Variants in NRAP observed in about 807,000 individuals in gnomAD.
NRAP encodes the protein nebulin related anchoring protein.
A neutral mutation model predicts 225.9 loss-of-function variants in NRAP; 189 were observed. The observed-to-expected ratio is 0.84, with a 90% CI of 0.74 to 0.94. The LOEUF (loss-of-function observed/expected upper bound fraction) is 0.94. NRAP is among the 40% of genes least tolerant of loss of function. The pLI is 0.00. For missense variants in NRAP, 2,176 were observed against 2,168.7 expected (o/e 1.00, Z -0.07); for synonymous variants, 769 against 790.7 (o/e 0.97, Z 0.46).
At position 113,629,038 on chromosome 10, in the gene NRAP, A is replaced by G. The variant is rs1395491930; in HGVS notation, c.2041-17T>C. The G allele has an allele frequency of 6.4e-7, 1 of 1,572,916 alleles. No individual in the cohort carries two copies. Among genetic ancestry groups the G allele is most frequent in the Non-Finnish European group, 8.8e-7 (1 of 1,142,436 alleles). On this transcript the variant is annotated splice_polypyrimidine_tract_variant and intron_variant, in intron 19 of 41. Transcript: ENST00000359988. ...GTACTGCAGCTACAAAAGAAAAACC[A>G]CAAAGCTCTCATTGGGCGCATGGAT...
chr10:113,602,656 T>C (rs549957740), intron 35 of NRAP, among the ~76,000 whole-genome samples: 1 of 152,370 alleles, frequency 6.6e-6, no homozygotes, highest in East Asian at 1.9e-4. Flanking sequence ...TAATTGATTA[T>C]GTGTTTAGAA....
intron 39 of NRAP, among the ~76,000 whole-genome samples, chr10:113,591,705 A>G (rs1015518901): frequency 2.0e-5 from 3 of 152,198 alleles, no homozygotes; most frequent in African/African-American, 7.2e-5. Context: ...TTCCTACATT[A>G]ATCTGGGAGA....
chr10:113,650,574 GCCCCA>G, intron 7 of NRAP, 29 bp from the exon 8 acceptor site: 4 of 1,414,224 alleles, frequency 2.8e-6, no homozygotes, highest in Non-Finnish European at 4.0e-6. Context: ...TGAATCACAT[GCCCCA>G]TGTTTATCAG....
chr10:113,640,209 T>C lies in NRAP; in HGVS notation c.1428+18A>G, dbSNP rs777068118. The C allele has an allele frequency of 2.5e-5, 36 of 1,425,794 alleles. No homozygotes were observed. The highest frequency in any genetic ancestry group is 3.2e-5 in the Non-Finnish European group (33 of 1,022,478). The allele number at this position is 1,425,794 out of a possible 1,614,324, so 88.3% of individuals were successfully genotyped here. A position where few individuals can be genotyped will look rare whatever the true frequency, so the allele number is the denominator to read the frequency against. On this transcript the variant is annotated intron_variant, in intron 14 of 41. Coordinates refer to ENST00000359988, the MANE Select transcript of NRAP (RefSeq NM_198060.4). ...CGACAAGTGACAAAGCAGAAAGAGC[T>C]GTTGGAAAAGAACTTACATCTTTCA... is the stretch of plus-strand genomic sequence containing the variant.
intron 3 of NRAP, among the ~76,000 whole-genome samples, chr10:113,661,717 C>T (rs183234882): frequency 1.3e-5 from 2 of 152,212 alleles, no homozygotes; most frequent in African/African-American, 4.8e-5. Context: ...GCAATGTGGC[C>T]TCCATATTTA....
intron 24 of NRAP, 55 bp downstream of exon 24, chr10:113,621,814 C>A: frequency 6.6e-7 from 1 of 1,506,436 alleles, no homozygotes; most frequent in Non-Finnish European, 9.1e-7. Context: ...CTTGCACTAG[C>A]ACACACACAA....
rs745975594 is a variant in NRAP at position 113,610,553 on chromosome 10, C to T, written c.3509G>A (p.Arg1170Gln). 58 of 1,585,042 alleles carry T rather than the reference C, an allele frequency of 3.7e-5. No individual in the cohort carries two copies. The Middle Eastern group carries it at 8.3e-4, about 23-fold the overall frequency. The change falls in exon 31 of 42, where the codon CGG becomes CAG. Residue 1170 changes from arginine to glutamine, a missense_variant. By Grantham distance (43) the Arg-to-Gln change is conservative. Transcript: ENST00000359988. ...AHKLQSENLY[R>Q]SDLNFMRGVA... ...ACCTCGCATAAAGTTCAGGTCTGAC[C>T]GGTACAAATTCTAGAAGAAATAATA...
Position 113,614,932 on chromosome 10 carries a change from T to A in NRAP, c.3093A>T (p.Glu1031Asp), listed in dbSNP as rs1415922878. 1 of 1,605,642 alleles carries A rather than the reference T, an allele frequency of 6.2e-7. No homozygotes were observed. Among genetic ancestry groups the A allele is most frequent in the South Asian group, 1.1e-5 (1 of 90,974 alleles). Residue 1031 changes from glutamate (E) to aspartate (D), a missense_variant, in exon 28 of 42, where the codon GAA becomes GAT. Physicochemically the swap from Glu to Asp is conservative, Grantham distance 45. This residue lies in a region of NRAP where 1,708 missense variants were observed against 1,695.5 expected (regional missense o/e 1.01). Transcript: ENST00000359988. ...CACCATCTCGAAGTTTGCTCCAGGA[T>A]TCCTTATAACGCGTCTGTCGGGAAG... ...AMNISETRYK[E>D]SWSKLRDGGY...
chr10:113,647,572 TCCCCTGGTGGTACTTC>T, intron 9 of NRAP, among the ~76,000 whole-genome samples: 1 of 145,612 alleles, frequency 6.9e-6, no homozygotes, highest in African/African-American at 2.6e-5. Context: ...TGGTACTGCC[TCCCCTGGTGGTACTTC>T]CTCCCCTAGT....
In NRAP at chr10:113,588,971, TG is replaced by T; in HGVS notation, c.*3del. ...GGCCTCTCAGGAATCAGGGTGGACA[TG>T]GCTCACAACAGCAGGGCCTTCTTCT... On this transcript the variant is annotated 3_prime_UTR_variant, in exon 42 of 42. Transcript: ENST00000359988. The T allele has an allele frequency of 6.2e-7, 1 of 1,610,648 alleles. No individual in the cohort carries two copies.
At chr10:113,628,343 A>G (rs1848397089) in intron 20 of NRAP, among the ~76,000 whole-genome samples, 1 of 152,008 alleles carries the variant, frequency 6.6e-6, no homozygotes, top group Admixed American at 6.6e-5. Flanking sequence ...ACGTGCCACC[A>G]CACCTGGCTG....
At chr10:113,596,305 C>A (rs1317200188) in intron 37 of NRAP, among the ~76,000 whole-genome samples, 2 of 152,148 alleles carry the variant, frequency 1.3e-5, no homozygotes, top group East Asian at 3.8e-4. Context: ...GAATTACAAA[C>A]AATTTTAGGA....
At chr10:113,663,200 A>G (rs760273387) in intron 2 of NRAP, 152 bp downstream of exon 2, 35 of 596,372 alleles carry the variant, frequency 5.9e-5, no homozygotes, top group Non-Finnish European at 1.0e-4. Context: ...ATCCCACCTT[A>G]GGTCTCTTTA....
chr10:113,621,785 T>C, intron 24 of NRAP, 84 bp downstream of exon 24: 1 of 1,323,024 alleles, frequency 7.6e-7, no homozygotes, highest in Non-Finnish European at 1.1e-6. Context: ...ATTGTTGCAC[T>C]GAATGGCTTA....
rs752566209 is a variant in NRAP at position 113,623,603 on chromosome 10, C to A, written c.2383G>T (p.Ala795Ser). 6.2e-7 allele frequency: 1 copy of A among 1,614,010 alleles called. No homozygotes were observed. Among genetic ancestry groups the A allele is most frequent in the East Asian group, 2.2e-5 (1 of 44,882 alleles). ...LYKSSWENQKAKGFELRLDSL... is the reference protein window; with the variant it reads ...LYKSSWENQKSKGFELRLDSL... ...TCAAGACGCAGCTCAAACCCTTTTG[C>A]TTTCTGGTTTTCCCAGCTGCTCTTA... The change falls in exon 23 of 42, where the codon GCA (alanine) becomes TCA (serine). Residue 795 changes from alanine to serine, a missense_variant. Coordinates refer to ENST00000359988, the MANE Select transcript of NRAP (RefSeq NM_198060.4).
chr10:113,591,807 G>C (rs1846010996), intron 39 of NRAP, among the ~76,000 whole-genome samples: 1 of 152,222 alleles, frequency 6.6e-6, no homozygotes, highest in Non-Finnish European at 1.5e-5. Context: ...AAGTGACTGA[G>C]CCAGGATTTG....
At chr10:113,629,453 C>T in intron 19 of NRAP, 135 bp downstream of exon 19, 3 of 659,466 alleles carry the variant, frequency 4.5e-6, no homozygotes, top group Non-Finnish European at 7.9e-6. Context: ...CCTTTCTGGC[C>T]CCCTGGTACA....
intron 15 of NRAP, 116 bp from the exon 16 acceptor site, chr10:113,633,304 AT>A: frequency 1.6e-6 from 1 of 640,708 alleles, no homozygotes; most frequent in Non-Finnish European, 2.8e-6. Context: ...CAGAAAAGGC[AT>A]TTTACAAGGC....
At position 113,631,501 on chromosome 10, in the gene NRAP, G is replaced by T. The variant is rs1368499976; in HGVS notation, c.1842+8C>A. 10 of 1,567,544 alleles carry T rather than the reference G, an allele frequency of 6.4e-6. No homozygotes were observed. The highest frequency in any genetic ancestry group is 8.7e-6 in the Non-Finnish European group (10 of 1,148,972). Reference sequence around the variant, plus strand: ...AAGTGAGAGGTTGGGGGTTAGAAAAGAGTTTACCTCACTGCTCATCTTAGC... The same window carrying T: ...AAGTGAGAGGTTGGGGGTTAGAAAATAGTTTACCTCACTGCTCATCTTAGC... On this transcript the variant is annotated splice_region_variant and intron_variant, in intron 18 of 41. Coordinates refer to ENST00000359988, the MANE Select transcript of NRAP (RefSeq NM_198060.4).
Sources: allele counts gnomAD v4.1 joint callset (sites outside exome capture counted in the v4.1 genomes callset), GRCh38; gene constraint gnomAD v4.1.1; regional missense constraint gnomAD v4.1.1; transcripts MANE v1.5; gene names NCBI Gene and HGNC (gene_info 2026-07-23, HGNC 2026-07-21).